Variants in ZPBP observed in about 807,000 individuals in gnomAD.
ZPBP encodes zona pellucida binding protein, also known as zona pellucida-binding protein 1.
A neutral mutation model predicts 44.8 loss-of-function variants in ZPBP; 26 were observed. The ratio of observed to expected loss-of-function variants is 0.58; its 90% CI spans 0.43 to 0.81. The LOEUF (loss-of-function observed/expected upper bound fraction) is 0.81, where lower values mean the gene tolerates loss of function less well. Among genes scored for constraint, ZPBP ranks in the 30% least tolerant of loss-of-function variants. The pLI is 0.00. For synonymous variants in ZPBP, 174 were observed against 153.2 expected (o/e 1.14, Z -1.00); for missense variants, 409 against 434.0 (o/e 0.94, Z 0.51).
chr7:50,019,663 A>G (rs527384493), intron 5 of ZPBP, among the ~76,000 whole-genome samples: 1 of 152,184 alleles, frequency 6.6e-6, no homozygotes, highest in South Asian at 2.1e-4. Flanking sequence ...GGAAATCTTT[A>G]TTTTGTTGTT....
intron 6 of ZPBP, among the ~76,000 whole-genome samples, chr7:50,003,219 A>G (rs1217382392): frequency 6.6e-6 from 1 of 152,196 alleles, no homozygotes; most frequent in Non-Finnish European, 1.5e-5. Flanking sequence ...TCAACAAGAC[A>G]GCAGACTAGG....
At chr7:49,891,031 T>C (rs181757663) in intron 2 of ZPBP, among the ~76,000 whole-genome samples, 85 of 152,330 alleles carry the variant, frequency 5.6e-4, no homozygotes, top group African/African-American at 1.9e-3. Flanking sequence ...AATATATTCA[T>C]TACTATATTG....
In ZPBP at chr7:49,981,686, AAT is replaced by A. The variant is rs1277718455; in HGVS notation, c.961+1654_961+1655del. Among the ~76,000 whole-genome samples the A allele has an allele frequency of 3.6e-3, 147 of 40,638 alleles. 29 individuals carry two copies. The highest frequency in any genetic ancestry group is 0.024 in the African/African-American group (138 of 5,724). The allele number at this position is 40,638 out of a possible 152,430, so 26.7% of individuals were successfully genotyped here. On this transcript the variant is annotated intron_variant, in intron 7 of 7. Coordinates refer to ENST00000046087, the MANE Select transcript of ZPBP (RefSeq NM_007009.3). ...ATATATATTATATATTATATATAAT[AAT>A]ATATATAATTATATATAATATATTA...
At chr7:49,882,796 G>C (rs891545493) in intron 2 of ZPBP, among the ~76,000 whole-genome samples, 3 of 152,018 alleles carry the variant, frequency 2.0e-5, no homozygotes, top group African/African-American at 7.2e-5. Context: ...TTTTCTAAAA[G>C]GAAATTCAAG....
chr7:49,881,430 A>G (rs1791659123), intron 2 of ZPBP, among the ~76,000 whole-genome samples: 1 of 152,178 alleles, frequency 6.6e-6, no homozygotes, highest in Non-Finnish European at 1.5e-5. Flanking sequence ...GAAAGTTTAA[A>G]AAATAGAGAG....
intron 7 of ZPBP, among the ~76,000 whole-genome samples, chr7:49,945,116 G>A (rs1795047888): frequency 6.6e-6 from 1 of 152,090 alleles, no homozygotes; most frequent in African/African-American, 2.4e-5. Context: ...TGGTCATTCA[G>A]GAGCATATTG....
At chr7:50,070,159 A>C (rs1801762983) in intron 3 of ZPBP, among the ~76,000 whole-genome samples, 1 of 151,924 alleles carries the variant, frequency 6.6e-6, no homozygotes, top group Non-Finnish European at 1.5e-5. Flanking sequence ...AGGTTCACAC[A>C]CACCCACCCA....
intron 1 of ZPBP, among the ~76,000 whole-genome samples, chr7:49,928,481 C>T (rs1794328372): frequency 6.6e-6 from 1 of 152,146 alleles, no homozygotes; most frequent in Non-Finnish European, 1.5e-5. Context: ...ATTGATATTT[C>T]TCTTCCCCAC....
At chr7:49,898,341 ATTCT>A (rs1792505331) in intron 2 of ZPBP, among the ~76,000 whole-genome samples, 1 of 151,720 alleles carries the variant, frequency 6.6e-6, no homozygotes, top group Non-Finnish European at 1.5e-5. Flanking sequence ...ACCTTCACTT[ATTCT>A]TTCTATGATG....
intron 6 of ZPBP, among the ~76,000 whole-genome samples, chr7:49,998,029 T>C (rs1391786468): frequency 6.6e-6 from 1 of 152,174 alleles, no homozygotes; most frequent in African/African-American, 2.4e-5. Context: ...GCAATTCTCC[T>C]GCCTCAGCCT....
In ZPBP at chr7:49,963,382, AT is replaced by A. The variant is rs536308206; in HGVS notation, c.961+19959del. Among the ~76,000 whole-genome samples, 300 of 151,972 alleles carry A rather than the reference AT, an allele frequency of 2.0e-3. 1 individual carries two copies. The highest frequency in any genetic ancestry group is 0.011 in the South Asian group (51 of 4,834). On this transcript the variant is annotated intron_variant, in intron 7 of 7. Coordinates refer to ENST00000046087, the MANE Select transcript of ZPBP (RefSeq NM_007009.3). ...TCACTCCACGATTTAACTCTTATGT[AT>A]TTACTCAAGAGAAATGGAAACCATA... is the stretch of plus-strand genomic sequence containing the variant.
intron 3 of ZPBP, among the ~76,000 whole-genome samples, chr7:50,058,416 C>T (rs1385400756): frequency 1.3e-5 from 2 of 152,118 alleles, no homozygotes; most frequent in African/African-American, 4.8e-5. Flanking sequence ...TCCTAATCTG[C>T]TCCTTGCATT....
chr7:50,003,198 G>A (rs117423319), intron 6 of ZPBP, among the ~76,000 whole-genome samples: 2,604 of 152,158 alleles, frequency 0.017, 37 homozygotes, highest in Admixed American at 0.037. Flanking sequence ...AAAATTCCAC[G>A]TGAAGTAACA....
chr7:49,934,040 C>G (rs1454881007), downstream of ZPBP, among the ~76,000 whole-genome samples: 1 of 121,556 alleles, frequency 8.2e-6, no homozygotes, highest in Non-Finnish European at 1.7e-5. Flanking sequence ...TACCCTAAAA[C>G]TTAAAGTATA....
rs1037929097 is a variant in ZPBP at position 50,018,231 on chromosome 7, A to G, written c.783+9T>C. On this transcript the variant is annotated intron_variant, in intron 6 of 7. Coordinates refer to ENST00000046087, the MANE Select transcript of ZPBP (RefSeq NM_007009.3). ...TTTTTTTTCCTTTTACCAGCCTCAC[A>G]TAACATACCTTAAAAAGTCTTTTGT... 1.9e-6 allele frequency: 3 copies of G among 1,610,014 alleles called. No homozygotes were observed. Among genetic ancestry groups the G allele is most frequent in the South Asian group, 1.1e-5 (1 of 90,996 alleles).
intron 2 of ZPBP, among the ~76,000 whole-genome samples, chr7:49,871,131 G>T (rs1304474523): frequency 6.6e-6 from 1 of 152,106 alleles, no homozygotes. Flanking sequence ...AATACAAAAG[G>T]TGATAAAGGA....
At position 49,887,028 on chromosome 7, in the gene ZPBP, CAGA is replaced by C. The variant is rs1166697250; in HGVS notation, n.509+14087_509+14089del. On this transcript the variant is annotated intron_variant and non_coding_transcript_variant, in intron 2 of 2. Coordinates refer to the ZPBP transcript ENST00000465922. ...AAGGCAAATTTTAAGTACTTTTTTGCAGAAGATTTATTTTAAACCATCGCAATT... is the reference window on the plus strand; with the variant it reads ...AAGGCAAATTTTAAGTACTTTTTTGCAGATTTATTTTAAACCATCGCAATT... Among the ~76,000 whole-genome samples, 5 of 151,660 alleles carry C rather than the reference CAGA, an allele frequency of 3.3e-5. No individual in the cohort carries two copies. In the East Asian group the frequency reaches 9.7e-4, roughly 29 times the overall value.
intron 7 of ZPBP, among the ~76,000 whole-genome samples, chr7:49,974,551 T>C (rs1796422209): frequency 6.6e-6 from 1 of 152,102 alleles, no homozygotes; most frequent in Non-Finnish European, 1.5e-5. Context: ...ACAATATTCA[T>C]AAATCCATAA....
chr7:50,027,507 T>C (rs1799392113), intron 5 of ZPBP, among the ~76,000 whole-genome samples: 1 of 152,042 alleles, frequency 6.6e-6, no homozygotes, highest in Non-Finnish European at 1.5e-5. Flanking sequence ...TAAACACCTA[T>C]ACTTAACAAG....
Sources: allele counts gnomAD v4.1 joint callset (sites outside exome capture counted in the v4.1 genomes callset), GRCh38; gene constraint gnomAD v4.1.1; transcripts MANE v1.5; gene names NCBI Gene and HGNC (gene_info 2026-07-23, HGNC 2026-07-21).